MCU: variants seen among roughly 807,000 people sequenced by gnomAD.
MCU encodes the protein mitochondrial calcium uniporter, also known as calcium uniporter protein, mitochondrial.
In MCU, 12 loss-of-function variants were observed where a neutral mutation model predicts 45.2. That is an observed-to-expected ratio of 0.27 (90% CI 0.17 to 0.43). The LOEUF (loss-of-function observed/expected upper bound fraction) is 0.43, where lower values mean the gene tolerates loss of function less well. MCU is among the 20% of genes least tolerant of loss of function. The probability of loss-of-function intolerance (pLI) is 1.00; values close to 1 mark genes in which losing one functional copy is unlikely to be tolerated. For missense variants in MCU, 324 were observed against 436.7 expected (o/e 0.74, Z 2.30); for synonymous variants, 160 against 165.1 (o/e 0.97, Z 0.24).
At chr10:72,793,478 G>A (rs1844198240) in intron 1 of MCU, among the ~76,000 whole-genome samples, 1 of 152,114 alleles carries the variant, frequency 6.6e-6, no homozygotes, top group African/African-American at 2.4e-5. Flanking sequence ...AATATACTGG[G>A]TTCTGGTTAT....
At chr10:72,710,741 GCCC>G (rs1261603497) in intron 1 of MCU, among the ~76,000 whole-genome samples, 1 of 151,786 alleles carries the variant, frequency 6.6e-6, no homozygotes, top group Non-Finnish European at 1.5e-5. Context: ...TATAATTGCT[GCCC>G]CCAAGTACCA....
At chr10:72,810,999 G>A (rs964387483) in intron 1 of MCU, among the ~76,000 whole-genome samples, 5 of 152,150 alleles carry the variant, frequency 3.3e-5, no homozygotes, top group African/African-American at 1.2e-4. Context: ...AAAAGACTTG[G>A]TAACTTCTAT....
At chr10:72,849,645 G>C (rs528274710) in intron 2 of MCU, among the ~76,000 whole-genome samples, 1 of 152,170 alleles carries the variant, frequency 6.6e-6, no homozygotes, top group Non-Finnish European at 1.5e-5. Context: ...GGGATGAATA[G>C]AGGAAGAATA....
At chr10:72,792,863 T>C (rs1043226492) in intron 1 of MCU, among the ~76,000 whole-genome samples, 1 of 151,958 alleles carries the variant, frequency 6.6e-6, no homozygotes, top group Non-Finnish European at 1.5e-5. Flanking sequence ...GTGGCAATGA[T>C]GATTACACTG....
At chr10:72,715,966 G>A in intron 1 of MCU, 8 of 831,184 alleles carry the variant, frequency 9.6e-6, no homozygotes, top group Non-Finnish European at 1.2e-5. Context: ...ATTTTGGTGT[G>A]AACTCATGTG....
At chr10:72,773,328 A>G (rs183518488) in intron 1 of MCU, among the ~76,000 whole-genome samples, 2 of 151,898 alleles carry the variant, frequency 1.3e-5, no homozygotes, top group Admixed American at 1.3e-4. Flanking sequence ...CTTGGAAATG[A>G]AAAACACATT....
intron 1 of MCU, among the ~76,000 whole-genome samples, chr10:72,761,226 A>G (rs1843652396): frequency 6.6e-6 from 1 of 152,222 alleles, no homozygotes; most frequent in Admixed American, 6.5e-5. Context: ...TGTAAATGCT[A>G]ACCATTAGTA....
intron 1 of MCU, among the ~76,000 whole-genome samples, chr10:72,786,606 C>T (rs1423487626): frequency 6.6e-5 from 10 of 151,908 alleles, no homozygotes; most frequent in Admixed American, 5.9e-4. Context: ...ATTAGCAGGG[C>T]GTGGTGGCAG....
intron 2 of MCU, among the ~76,000 whole-genome samples, chr10:72,836,217 T>C (rs2132837375): frequency 6.6e-6 from 1 of 152,280 alleles, no homozygotes; most frequent in South Asian, 2.1e-4. Context: ...GTATTTATGA[T>C]AGTGTTTGAA....
chr10:72,810,884 G>C (rs1300920556), intron 1 of MCU, among the ~76,000 whole-genome samples: 1 of 152,102 alleles, frequency 6.6e-6, no homozygotes, highest in East Asian at 1.9e-4. Context: ...GGCACAGTAG[G>C]TCTAGGAGGT....
chr10:72,752,028 A>G (rs1252947086), intron 1 of MCU, among the ~76,000 whole-genome samples: 2 of 151,502 alleles, frequency 1.3e-5, no homozygotes, highest in Non-Finnish European at 2.9e-5. Context: ...TTTAATAGAG[A>G]CGGGGTTTCA....
chr10:72,700,723 A>G (rs964093123), intron 1 of MCU, among the ~76,000 whole-genome samples: 1 of 152,254 alleles, frequency 6.6e-6, no homozygotes, highest in Admixed American at 6.5e-5. Context: ...TGATGATATG[A>G]CATCGCATTT....
intron 1 of MCU, among the ~76,000 whole-genome samples, chr10:72,710,753 C>T (rs1842882465): frequency 6.6e-6 from 1 of 151,948 alleles, no homozygotes; most frequent in African/African-American, 2.4e-5. Flanking sequence ...CCCCAAGTAC[C>T]ATTCCTTAGA....
chr10:72,868,199 TGA>T (rs1436383457), intron 4 of MCU, among the ~76,000 whole-genome samples: 7 of 152,350 alleles, frequency 4.6e-5, no homozygotes, highest in Middle Eastern at 3.4e-3. Flanking sequence ...TCAAATTTTT[TGA>T]GTTACCCAAA....
chr10:72,818,827 G>A (rs1243932355), intron 1 of MCU, among the ~76,000 whole-genome samples: 3 of 137,904 alleles, frequency 2.2e-5, no homozygotes, highest in South Asian at 2.3e-4. Context: ...GGCAACAAGA[G>A]CAAACCTCTG....
At chr10:72,706,228 T>G (rs568230200) in intron 1 of MCU, among the ~76,000 whole-genome samples, 2 of 152,026 alleles carry the variant, frequency 1.3e-5, no homozygotes, top group Non-Finnish European at 2.9e-5. Flanking sequence ...TATCTTTTTT[T>G]TTTTTTTAAG....
Position 72,800,915 on chromosome 10 carries a change from A to G in MCU, c.151-33444A>G, listed in dbSNP as rs117913706. Among the ~76,000 whole-genome samples, 190 of 152,306 alleles carry G rather than the reference A, an allele frequency of 1.2e-3. 7 individuals carry two copies. In the East Asian group the frequency reaches 0.033, roughly 26 times the overall value. Reference sequence around the variant, plus strand: ...GAAGTTCGAGACCAGCCTGGGCAACATAGCAAGACCCTGTCTCTACAAAAA... The same window carrying G: ...GAAGTTCGAGACCAGCCTGGGCAACGTAGCAAGACCCTGTCTCTACAAAAA... On this transcript the variant is annotated intron_variant, in intron 1 of 7. Coordinates refer to ENST00000373053, the MANE Select transcript of MCU (RefSeq NM_138357.3).
intron 1 of MCU, among the ~76,000 whole-genome samples, chr10:72,714,553 A>AT (rs1295939297): frequency 2.0e-5 from 3 of 150,242 alleles, no homozygotes; most frequent in Admixed American, 6.6e-5. Context: ...TATTATTACT[A>AT]TTTTTTTTGA....
At chr10:72,780,271 G>T (rs1307028483) in intron 1 of MCU, among the ~76,000 whole-genome samples, 1 of 152,110 alleles carries the variant, frequency 6.6e-6, no homozygotes, top group Non-Finnish European at 1.5e-5. Flanking sequence ...AGAGGATAAT[G>T]GGGAGTGACT....
Sources: gnomAD v4.1 joint callset for allele counts (sites outside exome capture counted in the v4.1 genomes callset) on GRCh38, gnomAD v4.1.1 for gene constraint, MANE v1.5 for transcripts, NCBI Gene and HGNC (gene_info 2026-07-23, HGNC 2026-07-21) for gene names.